Variants in TRERF1 observed in about 807,000 individuals in gnomAD.
TRERF1 encodes the protein transcriptional-regulating factor 1.
Under a neutral mutation model 122.9 loss-of-function variants are expected in TRERF1, and 27 were observed. That is an observed-to-expected ratio of 0.22 (90% CI 0.16 to 0.30). The LOEUF (loss-of-function observed/expected upper bound fraction) is 0.30. TRERF1 is among the 10% of genes least tolerant of loss of function. The pLI is 1.00. For missense variants in TRERF1, 1,248 were observed against 1,560.3 expected (o/e 0.80, Z 3.37); for synonymous variants, 636 against 641.7 (o/e 0.99, Z 0.13).
chr6:42,400,719 C>A (rs1197031979), intron 2 of TRERF1, among the ~76,000 whole-genome samples: 1 of 152,126 alleles, frequency 6.6e-6, no homozygotes, highest in Non-Finnish European at 1.5e-5. Flanking sequence ...GAGAAGACAC[C>A]AGCAATAAAA....
intron 17 of TRERF1, among the ~76,000 whole-genome samples, chr6:42,231,683 T>C (rs1156867894): frequency 1.3e-5 from 2 of 152,348 alleles, no homozygotes; most frequent in Non-Finnish European, 2.9e-5. Context: ...GGTGGACTCA[T>C]TGAGAAGTAC....
chr6:42,333,768 G>A (rs930001528), intron 3 of TRERF1, among the ~76,000 whole-genome samples: 1 of 152,202 alleles, frequency 6.6e-6, no homozygotes, highest in Non-Finnish European at 1.5e-5. Flanking sequence ...GGCCCCTCGA[G>A]TGCTTACTTA....
intron 3 of TRERF1, among the ~76,000 whole-genome samples, chr6:42,351,371 T>A (rs78917828): frequency 0.011 from 1,664 of 152,222 alleles, 27 homozygotes; most frequent in African/African-American, 0.038. Flanking sequence ...AAAAATCCAA[T>A]GGTACTGTAA....
intron 3 of TRERF1, among the ~76,000 whole-genome samples, chr6:42,340,764 C>A (rs377533843): frequency 2.6e-5 from 4 of 151,978 alleles, no homozygotes; most frequent in African/African-American, 9.7e-5. Context: ...CCGCACCCAG[C>A]GGCAAAAAAG....
rs753996176 is a variant in TRERF1 at position 42,268,630 on chromosome 6, T to C, written c.961A>G (p.Met321Val). ...GGCTGATAATACTGAGGTATCTGCA[T>C]TGAACCCTGCCGCTGCTGCAGCTGT... Residue 321 changes from methionine to valine, a missense_variant, in exon 5 of 18, where the codon ATG (methionine) becomes GTG (valine). By Grantham distance (21) the Met-to-Val change is conservative. Around this residue, in one of 5 missense-constraint regions of TRERF1, gnomAD observed 946 missense variants for 1,073.0 expected, o/e 0.88. Coordinates refer to ENST00000372922, the Ensembl canonical transcript of TRERF1. The surrounding 1 kb of genome is among the most constrained non-coding windows in gnomAD (Gnocchi z 4.4). 2.5e-6 allele frequency: 4 copies of C among 1,614,018 alleles called. No homozygotes were observed. Among genetic ancestry groups the C allele is most frequent in the South Asian group, 1.1e-5 (1 of 91,086 alleles).
intron 2 of TRERF1, among the ~76,000 whole-genome samples, chr6:42,429,457 T>G (rs994784168): frequency 2.6e-5 from 4 of 152,162 alleles, no homozygotes; most frequent in African/African-American, 9.7e-5. Context: ...TGCTACCGCC[T>G]CCTCTCACTT....
At chr6:42,380,908 G>C (rs1048864365) in intron 2 of TRERF1, among the ~76,000 whole-genome samples, 2 of 152,184 alleles carry the variant, frequency 1.3e-5, no homozygotes, top group African/African-American at 4.8e-5. Flanking sequence ...CTCCACTTCT[G>C]TCCTGGGAGA....
chr6:42,382,964 G>T (rs1263820075), intron 2 of TRERF1, among the ~76,000 whole-genome samples: 1 of 152,112 alleles, frequency 6.6e-6, no homozygotes, highest in Non-Finnish European at 1.5e-5. Flanking sequence ...ATCACTCCCA[G>T]TTGAGAACCA....
chr6:42,416,480 T>C (rs953165828), intron 2 of TRERF1, among the ~76,000 whole-genome samples: 2 of 152,250 alleles, frequency 1.3e-5, no homozygotes, highest in Non-Finnish European at 1.5e-5. Flanking sequence ...GATCCTTTAA[T>C]ACAATGAATT....
chr6:42,386,357 C>A (rs529213477), intron 2 of TRERF1, among the ~76,000 whole-genome samples: 1 of 152,102 alleles, frequency 6.6e-6, no homozygotes, highest in Non-Finnish European at 1.5e-5. Flanking sequence ...GCAGGAGAAT[C>A]GCTTGAACCC....
Position 42,263,416 on chromosome 6 carries a change from C to T in TRERF1, c.1788G>A (p.Lys596=). 1.2e-6 allele frequency: 2 copies of T among 1,611,960 alleles called. No individual in the cohort carries two copies. Among genetic ancestry groups the T allele is most frequent in the Non-Finnish European group, 1.7e-6 (2 of 1,179,148 alleles). ...TGTTGGTGAACCCCTGAGAGCTGGGCTTGGGCGGGAGAAGCTTGACAGGGA... is the reference window on the plus strand; with the variant it reads ...TGTTGGTGAACCCCTGAGAGCTGGGTTTGGGCGGGAGAAGCTTGACAGGGA... Residue 596 remains lysine, a synonymous_variant, in exon 8 of 18, where the codon AAG becomes AAA. Coordinates refer to ENST00000372922, the Ensembl canonical transcript of TRERF1. This position sits in a 1 kb window ranked among gnomAD's most constrained non-coding sequence, Gnocchi z 5.6.
intron 2 of TRERF1, among the ~76,000 whole-genome samples, chr6:42,423,600 T>C (rs1365883823): frequency 6.6e-6 from 1 of 152,178 alleles, no homozygotes; most frequent in Admixed American, 6.5e-5. Context: ...CAGTTTCCCA[T>C]ATCCTATCTG....
intron 2 of TRERF1, among the ~76,000 whole-genome samples, chr6:42,436,815 ATATATATATAT>A (rs1326964631): frequency 3.2e-5 from 2 of 63,198 alleles, no homozygotes; most frequent in Non-Finnish European, 6.3e-5. Flanking sequence ...AAAAAAAAAA[ATATATATATAT>A]ATATATATAT....
At chr6:42,369,920 A>G (rs534601796) in intron 2 of TRERF1, among the ~76,000 whole-genome samples, 1 of 152,168 alleles carries the variant, frequency 6.6e-6, no homozygotes. Context: ...TCTCTTCTGT[A>G]ACCACAAACT....
At chr6:42,441,823 C>T (rs963349460) in intron 2 of TRERF1, among the ~76,000 whole-genome samples, 1 of 152,064 alleles carries the variant, frequency 6.6e-6, no homozygotes. Flanking sequence ...GTGAAAGACA[C>T]GTCCCACTGC....
intron 4 of TRERF1, among the ~76,000 whole-genome samples, chr6:42,299,246 T>C (rs1357975259): frequency 2.1e-5 from 3 of 140,962 alleles, no homozygotes; most frequent in Non-Finnish European, 4.7e-5. Flanking sequence ...ATCTATCATC[T>C]ATCCAGGTAG....
chr6:42,376,430 G>A (rs1414747888), intron 2 of TRERF1, among the ~76,000 whole-genome samples: 1 of 152,132 alleles, frequency 6.6e-6, no homozygotes, highest in African/African-American at 2.4e-5. Flanking sequence ...GAGTAAGAGG[G>A]AGATGCACAT....
At position 42,259,061 on chromosome 6, in the gene TRERF1, T is replaced by C. The variant is rs907369109; in HGVS notation, c.2269+278A>G. On this transcript the variant is annotated intron_variant, in intron 9 of 17. Coordinates refer to ENST00000372922, the Ensembl canonical transcript of TRERF1. The surrounding 1 kb of genome is among the most constrained non-coding windows in gnomAD (Gnocchi z 4.9). ...CATTTTTTCTCTCTTGCACGATCAT[T>C]GCTGGCAGCCTTAAAAAGTGGGTGA... is the stretch of plus-strand genomic sequence containing the variant. Among the ~76,000 whole-genome samples, 1 of 152,120 alleles carries C rather than the reference T, an allele frequency of 6.6e-6. No homozygotes were observed. Among genetic ancestry groups the C allele is most frequent in the African/African-American group, 2.4e-5 (1 of 41,414 alleles).
chr6:42,305,667 G>T (rs938804351), intron 3 of TRERF1, among the ~76,000 whole-genome samples: 1 of 152,110 alleles, frequency 6.6e-6, no homozygotes, highest in African/African-American at 2.4e-5. Flanking sequence ...AGGACCAAAT[G>T]AAGTGTGAAG....
Sources: allele counts gnomAD v4.1 joint callset (sites outside exome capture counted in the v4.1 genomes callset), GRCh38; gene constraint gnomAD v4.1.1; regional missense constraint gnomAD v4.1.1; non-coding constraint Gnocchi (gnomAD v3.1); transcripts MANE v1.5; gene names NCBI Gene and HGNC (gene_info 2026-07-23, HGNC 2026-07-21).